Variants in MEIS2 observed in about 807,000 individuals in gnomAD.
MEIS2 encodes homeobox protein Meis2.
MEIS2 carries 9 observed loss-of-function variants against 58.6 expected under a neutral mutation model. That is an observed-to-expected ratio of 0.15 (90% CI 0.09 to 0.27). MEIS2 has a LOEUF of 0.27. Ranked by LOEUF, MEIS2 falls within the 10% of genes least tolerant of loss-of-function variation. The probability of loss-of-function intolerance (pLI) is 1.00; values close to 1 mark genes in which losing one functional copy is unlikely to be tolerated. For missense variants in MEIS2, 427 were observed against 635.0 expected, an observed-to-expected ratio of 0.67 and a Z score of 3.52; for synonymous variants, 221 against 228.4, an observed-to-expected ratio of 0.97 and a Z score of 0.29.
chr15:37,025,275 G>A (rs2061663547), intron 8 of MEIS2, among the ~76,000 whole-genome samples: 1 of 152,162 alleles, frequency 6.6e-6, no homozygotes, highest in African/African-American at 2.4e-5. Flanking sequence ...TCTAATCTTA[G>A]CTAACCCTCA....
At chr15:37,047,960 G>A (rs774871251) in intron 7 of MEIS2, among the ~76,000 whole-genome samples, 3 of 152,246 alleles carry the variant, frequency 2.0e-5, no homozygotes, top group Non-Finnish European at 4.4e-5. Context: ...CACACAAAAT[G>A]TCCTTCTGTT....
chr15:36,892,496 T>G (rs1337978505), intron 11 of MEIS2, 37 bp from the exon 12 acceptor site: 1 of 1,510,724 alleles, frequency 6.6e-7, no homozygotes, highest in South Asian at 1.2e-5. Context: ...CGGGTCAAAT[T>G]CCTAAACATT....
intron 7 of MEIS2, among the ~76,000 whole-genome samples, chr15:37,067,596 TAA>T: frequency 6.9e-6 from 1 of 144,774 alleles, no homozygotes; most frequent in African/African-American, 2.5e-5. Flanking sequence ...AATCAGAAAT[TAA>T]AAAAAAAAAA....
chr15:37,077,227 G>A (rs1891536010), intron 7 of MEIS2, among the ~76,000 whole-genome samples: 2 of 152,080 alleles, frequency 1.3e-5, no homozygotes, highest in African/African-American at 2.4e-5. Context: ...TTGGAAGTCA[G>A]CTTCCCTGTG....
At chr15:37,063,442 C>T (rs997374209) in intron 7 of MEIS2, among the ~76,000 whole-genome samples, 8 of 152,194 alleles carry the variant, frequency 5.3e-5, no homozygotes, top group African/African-American at 1.9e-4. Flanking sequence ...TTAGCCCCAC[C>T]ACTTTCTAGA....
chr15:36,958,939 A>G (rs1379251072), intron 8 of MEIS2, among the ~76,000 whole-genome samples: 1 of 152,174 alleles, frequency 6.6e-6, no homozygotes, highest in Non-Finnish European at 1.5e-5. Context: ...TTTTGTACTT[A>G]TTTATTTTAT....
chr15:36,902,219 A>G (rs2056511383), intron 9 of MEIS2, among the ~76,000 whole-genome samples: 1 of 152,230 alleles, frequency 6.6e-6, no homozygotes. Context: ...GTTCTCTCAT[A>G]GATAGTAATT....
chr15:37,089,722 T>C (rs1048994062), intron 6 of MEIS2, among the ~76,000 whole-genome samples: 2 of 152,162 alleles, frequency 1.3e-5, no homozygotes, highest in Non-Finnish European at 2.9e-5. Context: ...AACAATATAA[T>C]TGTATAACTG....
At chr15:37,097,626 C>T (rs948984947) in intron 2 of MEIS2, among the ~76,000 whole-genome samples, 4 of 152,192 alleles carry the variant, frequency 2.6e-5, no homozygotes, top group African/African-American at 9.7e-5. Context: ...TTCGTCAAGG[C>T]CTCTGTTAGG....
At chr15:36,930,358 G>T (rs535678364) in intron 9 of MEIS2, among the ~76,000 whole-genome samples, 179 of 152,126 alleles carry the variant, frequency 1.2e-3, no homozygotes, top group African/African-American at 4.1e-3. Context: ...TACCACCAAA[G>T]AACTCCCAGT....
Position 37,014,003 on chromosome 15 carries a change from AC to A in MEIS2, c.900+22810del, listed in dbSNP as rs2061257731. ...AAGATATGGGCAAGAACCCAGGGAAACAAAGTATCTAGAGACTTAATGGCAA... is the reference window on the plus strand; with the variant it reads ...AAGATATGGGCAAGAACCCAGGGAAAAAAGTATCTAGAGACTTAATGGCAA... On this transcript the variant is annotated intron_variant, in intron 8 of 11. Transcript: ENST00000561208. 2.6e-5 allele frequency among the ~76,000 whole-genome samples: 4 copies of A among 152,220 alleles called. No individual in the cohort carries two copies. In the South Asian group the frequency reaches 8.3e-4, roughly 32 times the overall value.
intron 6 of MEIS2, among the ~76,000 whole-genome samples, chr15:37,093,065 G>A (rs1225694312): frequency 6.6e-6 from 1 of 152,154 alleles, no homozygotes; most frequent in Non-Finnish European, 1.5e-5. Flanking sequence ...GAATTGTAAT[G>A]TGTTTGTTCA....
intron 8 of MEIS2, among the ~76,000 whole-genome samples, chr15:36,976,867 T>A (rs1393190298): frequency 1.3e-5 from 2 of 152,174 alleles, no homozygotes; most frequent in East Asian, 3.9e-4. Flanking sequence ...CTCACGCCTG[T>A]AATCCCAGCA....
At chr15:36,936,159 A>C (rs1215102053) in intron 9 of MEIS2, among the ~76,000 whole-genome samples, 3 of 150,436 alleles carry the variant, frequency 2.0e-5, no homozygotes, top group African/African-American at 7.3e-5. Context: ...AATCGACCAC[A>C]GTTTCTGCCT....
chr15:37,046,480 T>C (rs2062675952), intron 7 of MEIS2, among the ~76,000 whole-genome samples: 1 of 152,142 alleles, frequency 6.6e-6, no homozygotes, highest in Non-Finnish European at 1.5e-5. Flanking sequence ...AAATTCAGAC[T>C]GCAGCTTGGA....
At chr15:37,087,585 T>C (rs1171888530) in intron 6 of MEIS2, among the ~76,000 whole-genome samples, 1 of 148,670 alleles carries the variant, frequency 6.7e-6, no homozygotes, top group Non-Finnish European at 1.5e-5. Context: ...GCCAGTGTTT[T>C]CTCCCTTGAA....
At chr15:37,030,484 G>A (rs1345577200) in intron 8 of MEIS2, among the ~76,000 whole-genome samples, 3 of 151,642 alleles carry the variant, frequency 2.0e-5, no homozygotes, top group East Asian at 1.9e-4. Context: ...CTATAGATGT[G>A]TGCCCACACA....
At chr15:36,991,657 A>G (rs1191332830) in intron 8 of MEIS2, among the ~76,000 whole-genome samples, 2 of 151,626 alleles carry the variant, frequency 1.3e-5, no homozygotes, top group Non-Finnish European at 2.9e-5. Flanking sequence ...ATAGTCTAGG[A>G]TGCTTTGTGA....
intron 8 of MEIS2, among the ~76,000 whole-genome samples, chr15:36,974,930 C>T (rs1389750748): frequency 1.3e-5 from 2 of 152,150 alleles, no homozygotes; most frequent in African/African-American, 2.4e-5. Flanking sequence ...AGAGAAGAGT[C>T]GGTCTCATAT....
Sources: allele counts gnomAD v4.1 joint callset (sites outside exome capture counted in the v4.1 genomes callset), GRCh38; gene constraint gnomAD v4.1.1; transcripts MANE v1.5; gene names NCBI Gene and HGNC (gene_info 2026-07-23, HGNC 2026-07-21).